Variants in FNIP1 observed in about 807,000 individuals in gnomAD.
The protein encoded by FNIP1 is folliculin interacting protein 1.
FNIP1 carries 40 observed loss-of-function variants against 124.5 expected under a neutral mutation model. That is an observed-to-expected ratio of 0.32 (90% confidence interval 0.25 to 0.42). FNIP1 has a LOEUF of 0.42. Ranked by LOEUF, FNIP1 falls within the 10% of genes least tolerant of loss-of-function variation. The pLI is 1.00. For synonymous variants in FNIP1, 472 were observed against 470.6 expected, an observed-to-expected ratio of 1.00 and a Z score of -0.04; for missense variants, 1,176 against 1,403.7, an observed-to-expected ratio of 0.84 and a Z score of 2.59.
intron 1 of FNIP1, among the ~76,000 whole-genome samples, chr5:131,760,099 A>G (rs891279372): frequency 6.6e-6 from 1 of 152,192 alleles, no homozygotes; most frequent in Non-Finnish European, 1.5e-5. Flanking sequence ...GGGAAGAGGG[A>G]AAAAGCATGG....
intron 3 of FNIP1, among the ~76,000 whole-genome samples, chr5:131,722,039 T>C (rs1769683572): frequency 6.6e-6 from 1 of 152,188 alleles, no homozygotes; most frequent in Admixed American, 6.5e-5. Context: ...AAAAATTTCA[T>C]TTCACAGCCT....
intron 1 of FNIP1, among the ~76,000 whole-genome samples, chr5:131,752,863 T>C (rs2149566679): frequency 6.6e-6 from 1 of 151,090 alleles, no homozygotes; most frequent in South Asian, 2.1e-4. Flanking sequence ...AGGTCAAGAG[T>C]TCAAGACCAG....
chr5:131,728,277 A>G (rs976584116), intron 3 of FNIP1, among the ~76,000 whole-genome samples: 2 of 152,172 alleles, frequency 1.3e-5, no homozygotes, highest in Non-Finnish European at 2.9e-5. Context: ...AGTGTTTTCC[A>G]ACTTGGTTCC....
At chr5:131,647,402 A>G (rs1766917666) in intron 16 of FNIP1, among the ~76,000 whole-genome samples, 197 bp from the exon 17 acceptor site, 1 of 137,276 alleles carries the variant, frequency 7.3e-6, no homozygotes. Flanking sequence ...ATCAAAGATT[A>G]GCTTCTACAG....
intron 15 of FNIP1, among the ~76,000 whole-genome samples, chr5:131,653,578 T>C (rs890700148): frequency 1.3e-5 from 2 of 151,782 alleles, no homozygotes; most frequent in Admixed American, 1.3e-4. Flanking sequence ...GTTATGTTTC[T>C]AAAAATTCAG....
chr5:131,721,746 G>GGA (rs1443510716), intron 3 of FNIP1, among the ~76,000 whole-genome samples: 1 of 152,160 alleles, frequency 6.6e-6, no homozygotes, highest in Non-Finnish European at 1.5e-5. Context: ...TGTAGTGAGT[G>GGA]GAGATCACGC....
chr5:131,763,514 C>T (rs1408534202), intron 1 of FNIP1, among the ~76,000 whole-genome samples: 2 of 152,076 alleles, frequency 1.3e-5, no homozygotes, highest in Non-Finnish European at 2.9e-5. Context: ...CTCAGGAAAA[C>T]TTATATTTGT....
At chr5:131,656,316 CA>C (rs1422645051) in intron 15 of FNIP1, among the ~76,000 whole-genome samples, 1 of 152,160 alleles carries the variant, frequency 6.6e-6, no homozygotes, top group African/African-American at 2.4e-5. Context: ...ATTTCAAGAT[CA>C]ATGAATCCAC....
intron 1 of FNIP1, among the ~76,000 whole-genome samples, chr5:131,781,898 C>T (rs1454667596): frequency 6.6e-6 from 1 of 151,950 alleles, no homozygotes; most frequent in Non-Finnish European, 1.5e-5. Context: ...TGGCTCATGA[C>T]TGTAAATCCC....
At chr5:131,686,521 A>C (rs1360409947) in intron 11 of FNIP1, among the ~76,000 whole-genome samples, 1 of 152,054 alleles carries the variant, frequency 6.6e-6, no homozygotes, top group East Asian at 1.9e-4. Context: ...CTACTTCGAA[A>C]ATTTTTACTT....
rs749709697 is a variant in FNIP1, at chr5:131,679,130, A to T, written c.1248T>A (p.Pro416=). 6 of 1,602,348 alleles carry T rather than the reference A, an allele frequency of 3.7e-6. No homozygotes were observed. The highest frequency in any genetic ancestry group is 4.3e-6 in the Non-Finnish European group (5 of 1,169,866). The part of the protein sequence containing the change: ...NLYTMPRIGE[P]VWLTMMSGTP... ...TCCCCGACATCATTGTAAGCCAGAC[A>T]GGTTCTCCAATTCGTGGCATCGTGT... The change falls in exon 12 of 18, where the codon CCT becomes CCA. Residue 416 remains proline, a synonymous_variant. Coordinates refer to ENST00000510461, the MANE Select transcript of FNIP1 (RefSeq NM_133372.3).
Position 131,756,842 on chromosome 5 carries a change from G to C in FNIP1, c.93-12152C>G, listed in dbSNP as rs148351707. Among the ~76,000 whole-genome samples the C allele has an allele frequency of 2.9e-3, 436 of 152,282 alleles. 1 individual carries two copies. Among genetic ancestry groups the C allele is most frequent in the Admixed American group, 6.3e-3 (97 of 15,290 alleles). ...ATCATCAAAGAAAATGGGGAAAGGAGCTAGCCCAAGAAAAGCAAAAGGACT... is the reference window on the plus strand; with the variant it reads ...ATCATCAAAGAAAATGGGGAAAGGACCTAGCCCAAGAAAAGCAAAAGGACT... On this transcript the variant is annotated intron_variant, in intron 1 of 17. Coordinates refer to ENST00000510461, the MANE Select transcript of FNIP1 (RefSeq NM_133372.3).
chr5:131,651,455 C>T (rs1767036539), intron 16 of FNIP1, among the ~76,000 whole-genome samples: 1 of 152,164 alleles, frequency 6.6e-6, no homozygotes, highest in South Asian at 2.1e-4. Context: ...AAATCCAAGA[C>T]CAAGGTGCAA....
intron 1 of FNIP1, among the ~76,000 whole-genome samples, chr5:131,755,246 C>CTGTTGG (rs1771009122): frequency 6.6e-6 from 1 of 151,974 alleles, no homozygotes; most frequent in Non-Finnish European, 1.5e-5. Context: ...CATGGCAAAA[C>CTGTTGG]CCCATCTCTA....
rs1190561366 is a variant in FNIP1, at chr5:131,643,609, T to A, written c.*1076A>T. 6.5e-6 allele frequency: 1 copy of A among 152,692 alleles called. No homozygotes were observed. The allele number at this position is 152,692 out of a possible 1,614,324, so 9.5% of individuals were successfully genotyped here. On this transcript the variant is annotated 3_prime_UTR_variant, in exon 18 of 18. Transcript: ENST00000510461. ...GGCAACAATTGAGAAGTGAAAATCTTTGAAAAAAATACACTTTTGGAAGGG... is the reference window on the plus strand; with the variant it reads ...GGCAACAATTGAGAAGTGAAAATCTATGAAAAAAATACACTTTTGGAAGGG...
chr5:131,738,661 G>A (rs1488576833), intron 2 of FNIP1, among the ~76,000 whole-genome samples: 5 of 151,766 alleles, frequency 3.3e-5, no homozygotes, highest in East Asian at 1.9e-4. Flanking sequence ...CACCACACCC[G>A]GCTAATTTTT....
intron 15 of FNIP1, among the ~76,000 whole-genome samples, chr5:131,666,238 A>G (rs1347187822): frequency 6.6e-6 from 1 of 152,178 alleles, no homozygotes; most frequent in African/African-American, 2.4e-5. Context: ...GATTGATAAC[A>G]AAGTTCAACA....
intron 1 of FNIP1, chr5:131,796,503 T>C (rs1772599851): frequency 5.5e-6 from 2 of 365,236 alleles, no homozygotes; most frequent in East Asian, 5.2e-5. Context: ...CTCTACTCGG[T>C]GCCAGGAAGG....
In FNIP1 at chr5:131,670,550, A is replaced by AT; in HGVS notation, c.3020_3021insA (p.Tyr1008LeufsTer4). Reference sequence around the variant, plus strand: ...CTTGAAGAACAAAGTCAGGCACATAAGATGAGCAGTAGCCACCCAGCAAGG... The same window carrying AT: ...CTTGAAGAACAAAGTCAGGCACATAATGATGAGCAGTAGCCACCCAGCAAGG... On this transcript the variant is annotated frameshift_variant, in exon 15 of 18. Coordinates refer to ENST00000510461, the MANE Select transcript of FNIP1 (RefSeq NM_133372.3). LOFTEE classifies it high-confidence loss of function. 6.2e-7 allele frequency: 1 copy of AT among 1,613,992 alleles called. No individual in the cohort carries two copies.
Sources: gnomAD v4.1 joint callset for allele counts (sites outside exome capture counted in the v4.1 genomes callset) on GRCh38, gnomAD v4.1.1 for gene constraint, MANE v1.5 for transcripts, NCBI Gene and HGNC (gene_info 2026-07-23, HGNC 2026-07-21) for gene names.